The following LRP12 variants were observed in gnomAD, a reference collection of about 807,000 sequenced individuals.
LRP12 encodes low-density lipoprotein receptor-related protein 12.
A neutral mutation model predicts 66.0 loss-of-function variants in LRP12; 14 were observed. The ratio of observed to expected loss-of-function variants is 0.21; its 90% confidence interval spans 0.14 to 0.33. The LOEUF (loss-of-function observed/expected upper bound fraction) is 0.33. LRP12 is among the 10% of genes least tolerant of loss of function. The pLI is 1.00. For synonymous variants in LRP12, 357 were observed against 359.1 expected (o/e 0.99, Z 0.07); for missense variants, 889 against 1,053.4 (o/e 0.84, Z 2.16).
intron 1 of LRP12, among the ~76,000 whole-genome samples, chr8:104,586,517 G>A (rs1296424440): frequency 1.3e-5 from 2 of 152,138 alleles, no homozygotes; most frequent in Non-Finnish European, 2.9e-5. Context: ...ACTTTTTACT[G>A]TATAGAGGAC....
At chr8:104,500,810 TA>T (rs1337175524) in intron 3 of LRP12, among the ~76,000 whole-genome samples, 2 of 132,060 alleles carry the variant, frequency 1.5e-5, no homozygotes, top group African/African-American at 5.5e-5. Flanking sequence ...CTAGAACTAG[TA>T]TTGCTAGGTC....
At chr8:104,552,502 T>C (rs890295978) in intron 1 of LRP12, among the ~76,000 whole-genome samples, 1 of 151,820 alleles carries the variant, frequency 6.6e-6, no homozygotes, top group African/African-American at 2.4e-5. Context: ...AAACCCCTTC[T>C]CTACTAAAAA....
intron 1 of LRP12, among the ~76,000 whole-genome samples, chr8:104,558,055 C>T (rs1015046072): frequency 7.2e-5 from 11 of 151,942 alleles, no homozygotes; most frequent in African/African-American, 2.7e-4. Context: ...ACTAAATATA[C>T]AAAAATTAGC....
intron 1 of LRP12, among the ~76,000 whole-genome samples, chr8:104,562,779 A>C (rs1480378744): frequency 6.6e-6 from 1 of 152,186 alleles, no homozygotes; most frequent in African/African-American, 2.4e-5. Flanking sequence ...TATTTGCATA[A>C]GTTATTTAAT....
At chr8:104,575,152 G>A (rs1003952918) in intron 1 of LRP12, among the ~76,000 whole-genome samples, 3 of 152,206 alleles carry the variant, frequency 2.0e-5, no homozygotes, top group Admixed American at 1.3e-4. Context: ...AAACTAGCCA[G>A]ATCCCCTGCC....
intron 1 of LRP12, among the ~76,000 whole-genome samples, chr8:104,537,659 T>C (rs571236358): frequency 6.6e-6 from 1 of 152,180 alleles, no homozygotes; most frequent in African/African-American, 2.4e-5. Context: ...AAATTGCCAG[T>C]GGGAATATAA....
intron 3 of LRP12, among the ~76,000 whole-genome samples, chr8:104,501,962 T>A (rs1361744422): frequency 6.6e-6 from 1 of 152,204 alleles, no homozygotes; most frequent in African/African-American, 2.4e-5. Flanking sequence ...TTTTAGTTTT[T>A]ACATTTATAG....
intron 2 of LRP12, among the ~76,000 whole-genome samples, chr8:104,524,050 A>C (rs1811190752): frequency 6.6e-6 from 1 of 152,030 alleles, no homozygotes; most frequent in Admixed American, 6.6e-5. Flanking sequence ...GTTCAAGACC[A>C]GCCTGGGCAA....
intron 1 of LRP12, among the ~76,000 whole-genome samples, chr8:104,578,294 G>T (rs759254557): frequency 8.5e-5 from 13 of 152,066 alleles, no homozygotes; most frequent in Non-Finnish European, 1.9e-4. Context: ...AAATCTAGAA[G>T]AAATGGATAA....
At position 104,490,891 on chromosome 8, in the gene LRP12, C is replaced by T. The variant is rs1166010127; in HGVS notation, c.2362G>A (p.Val788Met). The change falls in exon 7 of 7, where the codon GTG becomes ATG. Residue 788 changes from valine to methionine, a missense_variant. Around this residue, in one of 3 missense-constraint regions of LRP12, gnomAD observed 800 missense variants for 964.5 expected, o/e 0.83. Coordinates refer to ENST00000276654, the MANE Select transcript of LRP12 (RefSeq NM_013437.5). ...PISDGSSDFD[V>M]NDCSRPLLDL... Reference sequence around the variant, plus strand: ...AGAAGAGGTCTGGAGCAGTCATTCACATCAAAGTCTGAAGATCCATCAGAA... The same window carrying T: ...AGAAGAGGTCTGGAGCAGTCATTCATATCAAAGTCTGAAGATCCATCAGAA... 6.2e-7 allele frequency: 1 copy of T among 1,614,134 alleles called. No homozygotes were observed. Among genetic ancestry groups the T allele is most frequent in the African/African-American group, 1.3e-5 (1 of 75,034 alleles).
intron 1 of LRP12, among the ~76,000 whole-genome samples, chr8:104,577,467 T>C (rs1812182994): frequency 6.6e-6 from 1 of 152,172 alleles, no homozygotes; most frequent in African/African-American, 2.4e-5. Context: ...AATAATCTGC[T>C]CCTGAATGAC....
In LRP12 at chr8:104,490,595, T is replaced by G; in HGVS notation, c.*78A>C. 6.8e-7 allele frequency: 1 copy of G among 1,476,080 alleles called. No individual in the cohort carries two copies. The highest frequency in any genetic ancestry group is 2.3e-5 in the Admixed American group (1 of 42,964). 91.4% of individuals were successfully genotyped at this position (1,476,080 alleles called of 1,614,324 possible). On this transcript the variant is annotated 3_prime_UTR_variant, in exon 7 of 7. Coordinates refer to ENST00000276654, the MANE Select transcript of LRP12 (RefSeq NM_013437.5). ...GCATTTTTTCTTTTTAAACTAAAAC[T>G]AGTTTAACTGTAAAGTTACAAAATA...
chr8:104,511,076 T>C (rs996047668), intron 2 of LRP12, among the ~76,000 whole-genome samples: 4 of 141,146 alleles, frequency 2.8e-5, no homozygotes, highest in African/African-American at 7.9e-5. Flanking sequence ...AGTCTCACTC[T>C]GTCTCCAGGG....
chr8:104,491,974 CTTTT>C (rs566322915), intron 6 of LRP12, among the ~76,000 whole-genome samples: 1 of 144,554 alleles, frequency 6.9e-6, no homozygotes, highest in Non-Finnish European at 1.5e-5. Context: ...GGACTTTTAT[CTTTT>C]TTTTTTTTAA....
At chr8:104,564,472 G>A (rs1361322467) in intron 1 of LRP12, among the ~76,000 whole-genome samples, 2 of 152,036 alleles carry the variant, frequency 1.3e-5, no homozygotes, top group Admixed American at 1.3e-4. Flanking sequence ...GTGAATGTGC[G>A]CAGGGGCATT....
rs1564152296 is a variant in LRP12, at chr8:104,588,930, C to T, written c.-33G>A. 7 of 1,531,782 alleles carry T rather than the reference C, an allele frequency of 4.6e-6. No homozygotes were observed. In the Admixed American group the frequency reaches 5.7e-5, roughly 12 times the overall value. The allele number at this position is 1,531,782 out of a possible 1,614,324, so 94.9% of individuals were successfully genotyped here. On this transcript the variant is annotated 5_prime_UTR_variant, in exon 1 of 7. Transcript: ENST00000276654. The stretch of plus-strand genomic sequence containing the variant: ...GCAGATGGAGAGAGAGAGGAGGAGA[C>T]GGAGGAGGAGGGAGGAGAAGCTGGA...
intron 1 of LRP12, among the ~76,000 whole-genome samples, chr8:104,553,792 A>G (rs1007292459): frequency 6.6e-6 from 1 of 152,218 alleles, no homozygotes; most frequent in Non-Finnish European, 1.5e-5. Context: ...TGCTCTCTTG[A>G]AAGTGCCACC....
chr8:104,586,496 AACAC>A (rs749121710), intron 1 of LRP12, among the ~76,000 whole-genome samples: 2 of 152,180 alleles, frequency 1.3e-5, no homozygotes, highest in African/African-American at 2.4e-5. Context: ...AGCCTTTTAA[AACAC>A]ACACACACTT....
At chr8:104,579,229 A>G (rs929046782) in intron 1 of LRP12, among the ~76,000 whole-genome samples, 7 of 152,338 alleles carry the variant, frequency 4.6e-5, no homozygotes, top group Non-Finnish European at 7.3e-5. Flanking sequence ...TACTTCAGCA[A>G]ATTCACAGGA....
Sources: allele counts gnomAD v4.1 joint callset (sites outside exome capture counted in the v4.1 genomes callset), GRCh38; gene constraint gnomAD v4.1.1; regional missense constraint gnomAD v4.1.1; transcripts MANE v1.5; gene names NCBI Gene and HGNC (gene_info 2026-07-23, HGNC 2026-07-21).